The following VPS13B variants were observed in gnomAD, a reference collection of about 807,000 sequenced individuals.
VPS13B encodes intermembrane lipid transfer protein VPS13B.
Under a neutral mutation model 426.4 loss-of-function variants are expected in VPS13B, and 285 were observed. That is an observed-to-expected ratio of 0.67 (90% CI 0.61 to 0.74). The LOEUF (loss-of-function observed/expected upper bound fraction) is 0.74, where lower values mean the gene tolerates loss of function less well. Ranked by LOEUF, VPS13B falls within the 30% of genes least tolerant of loss-of-function variation. The probability of loss-of-function intolerance (pLI) is 0.00; values close to 1 mark genes in which losing one functional copy is unlikely to be tolerated. For synonymous variants in VPS13B, 1,676 were observed against 1,676.4 expected, an observed-to-expected ratio of 1.00 and a Z score of 0.01; for missense variants, 4,537 against 4,782.6, an observed-to-expected ratio of 0.95 and a Z score of 1.51.
Position 99,871,686 on chromosome 8 carries a change from T to A in VPS13B, c.11734T>A (p.Cys3912Ser). 6.2e-7 allele frequency: 1 copy of A among 1,613,750 alleles called. No homozygotes were observed. Among genetic ancestry groups the A allele is most frequent in the African/African-American group, 1.3e-5 (1 of 75,038 alleles). Residue 3912 changes from cysteine (C) to serine (S), a missense_variant, in exon 61 of 62, where the codon TGT becomes AGT. Around this residue, in one of 2 missense-constraint regions of VPS13B, gnomAD observed 4,311 missense variants for 4,474.3 expected, o/e 0.96. Coordinates refer to ENST00000357162, the MANE Select transcript of VPS13B (RefSeq NM_152564.5). Reference sequence around the variant, plus strand: ...GCAGCTCAAGCAGCCAAGAGTGGCCTGTGATGTGGAGGTACGTTTCAGAAA... The same window carrying A: ...GCAGCTCAAGCAGCCAAGAGTGGCCAGTGATGTGGAGGTACGTTTCAGAAA... ...TVQLKQPRVA[C>S]DVEVDGVRER...
intron 39 of VPS13B, among the ~76,000 whole-genome samples, chr8:99,745,608 A>G (rs1178548690): frequency 3.9e-5 from 6 of 152,126 alleles, no homozygotes; most frequent in Admixed American, 3.9e-4. Flanking sequence ...AGAGAGTTCA[A>G]TACTATCTGC....
chr8:99,529,061 A>G (rs1822789979), intron 30 of VPS13B, among the ~76,000 whole-genome samples: 1 of 152,138 alleles, frequency 6.6e-6, no homozygotes, highest in Non-Finnish European at 1.5e-5. Flanking sequence ...TTGAAAATAC[A>G]TCTACCCTTA....
At chr8:99,847,402 CAGT>C in intron 54 of VPS13B, among the ~76,000 whole-genome samples, 1 of 152,298 alleles carries the variant, frequency 6.6e-6, no homozygotes, top group Non-Finnish European at 1.5e-5. Context: ...AAGTAGGTGT[CAGT>C]CCAGAAGGGA....
intron 19 of VPS13B, among the ~76,000 whole-genome samples, chr8:99,293,088 A>G (rs1361436123): frequency 6.6e-6 from 1 of 151,854 alleles, no homozygotes; most frequent in Non-Finnish European, 1.5e-5. Context: ...CGCCAAGTCA[A>G]TCCTAAGCCA....
rs745405123 is a variant in VPS13B, at chr8:99,442,579, A to T, written c.3389A>T (p.Tyr1130Phe). Reference protein sequence around the residue: ...QIKIISAGHKYMEPLQEIPFV... With the variant: ...QIKIISAGHKFMEPLQEIPFV... The stretch of plus-strand genomic sequence containing the variant: ...AAGATTATTAGTGCTGGGCACAAGT[A>T]TATGGAACCTCTGCAGGAGATTCCA... Residue 1130 changes from tyrosine to phenylalanine, a missense_variant, in exon 23 of 62, where the codon TAT becomes TTT. By Grantham distance (22) the Tyr-to-Phe change is conservative. Transcript: ENST00000357162. 3 of 1,614,016 alleles carry T rather than the reference A, an allele frequency of 1.9e-6. No homozygotes were observed. The highest frequency in any genetic ancestry group is 2.5e-6 in the Non-Finnish European group (3 of 1,179,914).
intron 30 of VPS13B, among the ~76,000 whole-genome samples, chr8:99,533,175 G>A (rs1411078331): frequency 6.6e-6 from 1 of 152,048 alleles, no homozygotes; most frequent in Non-Finnish European, 1.5e-5. Flanking sequence ...CTGACTTCAG[G>A]TGATCCGCCC....
chr8:99,281,721 G>A (rs1819184109), intron 19 of VPS13B, among the ~76,000 whole-genome samples: 3 of 152,208 alleles, frequency 2.0e-5, no homozygotes, highest in African/African-American at 7.2e-5. Flanking sequence ...AACTGTGGTA[G>A]CGTATGATCT....
rs781752128 is a variant in VPS13B, at chr8:99,481,819, A to C, written c.3870+17A>C. ...ACTACTGAGGTAAGTGTTTTTGAAAATCCTGTTACAAAATGAAGGTTAATA... is the reference window on the plus strand; with the variant it reads ...ACTACTGAGGTAAGTGTTTTTGAAACTCCTGTTACAAAATGAAGGTTAATA... On this transcript the variant is annotated intron_variant, in intron 25 of 61. Transcript: ENST00000357162. 8 of 1,613,014 alleles carry C rather than the reference A, an allele frequency of 5.0e-6. No homozygotes were observed. The highest frequency in any genetic ancestry group is 6.8e-6 in the Non-Finnish European group (8 of 1,179,360).
At chr8:99,312,805 C>T (rs1359185725) in intron 19 of VPS13B, among the ~76,000 whole-genome samples, 1 of 152,206 alleles carries the variant, frequency 6.6e-6, no homozygotes, top group Non-Finnish European at 1.5e-5. Context: ...TCAAGTACAC[C>T]AATCAGACAT....
chr8:99,529,016 T>G (rs1344200113), intron 30 of VPS13B, among the ~76,000 whole-genome samples: 1 of 152,078 alleles, frequency 6.6e-6, no homozygotes, highest in Non-Finnish European at 1.5e-5. Flanking sequence ...AATAACATTT[T>G]AAAAATTTAT....
intron 19 of VPS13B, among the ~76,000 whole-genome samples, chr8:99,360,180 TTCTTTCTTTCTCTCTC>T (rs1563687134): frequency 7.4e-5 from 3 of 40,804 alleles, no homozygotes; most frequent in Admixed American, 2.6e-4. Context: ...CTTTCTTTCT[TTCTTTCTTTCTCTCTC>T]TCTCTCTCTC....
chr8:99,299,370 C>T (rs1820233017), intron 19 of VPS13B, among the ~76,000 whole-genome samples: 1 of 151,798 alleles, frequency 6.6e-6, no homozygotes, highest in South Asian at 2.1e-4. Flanking sequence ...CCAAGTTATT[C>T]CACCGCTTTA....
chr8:99,302,229 A>G (rs1015397500), intron 19 of VPS13B, among the ~76,000 whole-genome samples: 1 of 152,238 alleles, frequency 6.6e-6, no homozygotes, highest in Non-Finnish European at 1.5e-5. Context: ...TTGGCTTCAG[A>G]TGAACACTTT....
chr8:99,101,606 T>G (rs1846753017), intron 4 of VPS13B, among the ~76,000 whole-genome samples: 1 of 152,252 alleles, frequency 6.6e-6, no homozygotes, highest in Non-Finnish European at 1.5e-5. Flanking sequence ...ATTTTGAATG[T>G]TAATTTTATA....
At chr8:99,429,001 A>G (rs1290403792) in intron 21 of VPS13B, among the ~76,000 whole-genome samples, 1 of 152,160 alleles carries the variant, frequency 6.6e-6, no homozygotes, top group Non-Finnish European at 1.5e-5. Context: ...GAAGCTGGAA[A>G]CCATCATTCT....
chr8:99,850,952 C>A (rs1816261271), intron 55 of VPS13B, among the ~76,000 whole-genome samples: 1 of 152,028 alleles, frequency 6.6e-6, no homozygotes, highest in Admixed American at 6.5e-5. Context: ...AAAACAACAA[C>A]AAAAAAAGTT....
chr8:99,229,168 T>C (rs1816182288), intron 17 of VPS13B, among the ~76,000 whole-genome samples: 1 of 152,054 alleles, frequency 6.6e-6, no homozygotes, highest in African/African-American at 2.4e-5. Context: ...ACAAGATTGG[T>C]TGGAAAGAGT....
chr8:99,275,177 C>T lies in VPS13B; in HGVS notation c.2747C>T (p.Pro916Leu). Residue 916 changes from proline (P) to leucine (L), a missense_variant, in exon 19 of 62, where the codon CCA (proline) becomes CTA (leucine). Coordinates refer to ENST00000357162, the MANE Select transcript of VPS13B (RefSeq NM_152564.5). ...STKWLNESRKPESLLAPDLMA... is the reference protein window; with the variant it reads ...STKWLNESRKLESLLAPDLMA... ...AAGTGGCTCAATGAGAGTAGAAAGC[C>T]AGAGTCTCTCTTAGCTCCAGATTTG... is the stretch of plus-strand genomic sequence containing the variant. The T allele has an allele frequency of 6.2e-7, 1 of 1,613,048 alleles. No individual in the cohort carries two copies. Among genetic ancestry groups the T allele is most frequent in the Non-Finnish European group, 8.5e-7 (1 of 1,179,496 alleles).
intron 17 of VPS13B, among the ~76,000 whole-genome samples, chr8:99,193,340 G>C (rs193096778): frequency 6.6e-6 from 1 of 152,078 alleles, no homozygotes; most frequent in Non-Finnish European, 1.5e-5. Flanking sequence ...GGGTATCAAT[G>C]TATGTGTTTG....
Sources: gnomAD v4.1 joint callset for allele counts (sites outside exome capture counted in the v4.1 genomes callset) on GRCh38, gnomAD v4.1.1 for gene constraint, gnomAD v4.1.1 regional missense constraint, MANE v1.5 for transcripts, NCBI Gene and HGNC (gene_info 2026-07-23, HGNC 2026-07-21) for gene names.